The following SLC5A10 variants were observed in gnomAD, a reference collection of about 807,000 sequenced individuals.
The protein encoded by SLC5A10 is sodium/mannose cotransporter SLC5A10.
A neutral mutation model predicts 68.9 loss-of-function variants in SLC5A10; 55 were observed. The ratio of observed to expected loss-of-function variants is 0.80; its 90% CI spans 0.64 to 1.00. The LOEUF is 1.00. SLC5A10 is among the 50% of genes least tolerant of loss of function. The probability of loss-of-function intolerance (pLI) is 0.00; values close to 1 mark genes in which losing one functional copy is unlikely to be tolerated. For missense variants in SLC5A10, 732 were observed against 819.3 expected (o/e 0.89, Z 1.30); for synonymous variants, 344 against 344.8 (o/e 1.00, Z 0.02).
At chr17:18,991,140 T>C (rs1173081104) in intron 9 of SLC5A10, among the ~76,000 whole-genome samples, 2 of 152,222 alleles carry the variant, frequency 1.3e-5, no homozygotes, top group African/African-American at 2.4e-5. Flanking sequence ...CCACCTTGCC[T>C]AATTCTGTTG....
rs757247529 is a variant in SLC5A10, at chr17:18,952,319, A to G, written c.111+3A>G. The G allele has an allele frequency of 6.2e-7, 1 of 1,610,680 alleles. No homozygotes were observed. The highest frequency in any genetic ancestry group is 8.5e-7 in the Non-Finnish European group (1 of 1,178,336). The stretch of plus-strand genomic sequence containing the variant: ...TGAATGTGGCCGTGGGCATATGGGT[A>G]AGGGGACCTGTGGTGGTGTTGGCCA... On this transcript the variant is annotated splice_donor_region_variant and intron_variant, in intron 1 of 14. Coordinates refer to ENST00000395645, the MANE Select transcript of SLC5A10 (RefSeq NM_001042450.4).
chr17:18,966,694 G>A (rs1230485749), intron 5 of SLC5A10, among the ~76,000 whole-genome samples: 1 of 149,010 alleles, frequency 6.7e-6, no homozygotes, highest in Admixed American at 6.7e-5. Flanking sequence ...AAGTTGCAGT[G>A]AGCCGAGATC....
At chr17:18,969,449 G>C in intron 7 of SLC5A10, 27 bp downstream of exon 7, 2 of 1,604,272 alleles carry the variant, frequency 1.2e-6, no homozygotes, top group Non-Finnish European at 1.7e-6. Context: ...TGGCCATGGC[G>C]GGGCTGTCCC....
At position 18,971,834 on chromosome 17, in the gene SLC5A10, C is replaced by T. The variant is rs1056986861; in HGVS notation, c.846+616C>T. ...GGACCCTGCTCAGGCACACAGGAGCCGGCAGGCCCGGGTTCGCCTCCTGGC... is the reference window on the plus strand; with the variant it reads ...GGACCCTGCTCAGGCACACAGGAGCTGGCAGGCCCGGGTTCGCCTCCTGGC... On this transcript the variant is annotated intron_variant, in intron 8 of 14. Coordinates refer to ENST00000395645, the MANE Select transcript of SLC5A10 (RefSeq NM_001042450.4). The surrounding 1 kb of genome is among the most constrained non-coding windows in gnomAD (Gnocchi z 5.5). The T allele has an allele frequency of 3.7e-5, 53 of 1,446,930 alleles. No homozygotes were observed. In the East Asian group the frequency reaches 5.9e-4, roughly 16 times the overall value. The allele number at this position is 1,446,930 out of a possible 1,614,324, so 89.6% of individuals were successfully genotyped here.
chr17:18,959,621 G>A lies in SLC5A10; in HGVS notation c.306G>A (p.Leu102=), dbSNP rs1358953156. The stretch of plus-strand genomic sequence containing the variant: ...CCCCATAGGCCACGTACGTGCTGCT[G>A]GCACTGGCATGGGTGTTCGTGCCCA... ...GFEWNATYVL[L]ALAWVFVPIY... is the part of the protein sequence containing the mutation. The change falls in exon 4 of 15, where the codon CTG becomes CTA. Residue 102 remains leucine (L), a synonymous_variant. Coordinates refer to ENST00000395645, the MANE Select transcript of SLC5A10 (RefSeq NM_001042450.4). The A allele has an allele frequency of 3.1e-6, 5 of 1,613,856 alleles. No homozygotes were observed. The highest frequency in any genetic ancestry group is 2.5e-6 in the Non-Finnish European group (3 of 1,180,006).
At position 18,976,882 on chromosome 17, in the gene SLC5A10, G is replaced by A. The variant is rs755766055; in HGVS notation, c.875G>A (p.Arg292Gln). The A allele has an allele frequency of 5.6e-6, 9 of 1,613,444 alleles. No homozygotes were observed. The highest frequency in any genetic ancestry group is 2.2e-5 in the East Asian group (1 of 44,876). ...ATCGTGCAGCGATCACTGTCAGCCC[G>A]GGACCTGAACCATGCCAAGGCGGGC... ...QVIVQRSLSA[R>Q]DLNHAKAGSI... The change falls in exon 9 of 15, where the codon CGG (arginine) becomes CAG (glutamine). Residue 292 changes from arginine to glutamine, a missense_variant. Transcript: ENST00000395645.
At chr17:18,978,159 G>A (rs1597849192) in intron 9 of SLC5A10, 1 of 1,531,354 alleles carries the variant, frequency 6.5e-7, no homozygotes, top group Non-Finnish European at 8.8e-7. Context: ...TTGGGCACGG[G>A]GGGCAATGGC....
At chr17:19,006,131 T>C (rs917530382) in intron 9 of SLC5A10, among the ~76,000 whole-genome samples, 1 of 152,198 alleles carries the variant, frequency 6.6e-6, no homozygotes, top group Non-Finnish European at 1.5e-5. Flanking sequence ...TGCACCCAGT[T>C]TTCCCCAGTA....
upstream of SLC5A10, chr17:18,950,727 G>A (rs972668780): frequency 1.0e-6 from 1 of 983,480 alleles, no homozygotes; most frequent in African/African-American, 1.7e-5. Context: ...GTTGTTGTTT[G>A]TTTTGTGAGA....
At chr17:18,979,211 G>A (rs936186328) in intron 9 of SLC5A10, 16 of 465,636 alleles carry the variant, frequency 3.4e-5, no homozygotes, top group Middle Eastern at 5.9e-4. Flanking sequence ...CATGGGCAGC[G>A]CCCACCCCAT....
chr17:18,987,713 ATTCAC>A (rs1192961721), intron 9 of SLC5A10, among the ~76,000 whole-genome samples: 1 of 152,206 alleles, frequency 6.6e-6, no homozygotes, highest in Non-Finnish European at 1.5e-5. Flanking sequence ...TGTGCCTTAA[ATTCAC>A]TTCAACTGTG....
At chr17:19,014,927 C>T in intron 10 of SLC5A10, 122 bp from the exon 11 acceptor site, 2 of 1,208,000 alleles carry the variant, frequency 1.7e-6, no homozygotes, top group Non-Finnish European at 2.3e-6. Context: ...TCCCTCCCCG[C>T]CCTCTGCCTT....
At chr17:18,993,736 C>T (rs2043491790) in intron 9 of SLC5A10, among the ~76,000 whole-genome samples, 1 of 152,188 alleles carries the variant, frequency 6.6e-6, no homozygotes, top group African/African-American at 2.4e-5. Context: ...CGTTATTCTC[C>T]AGGTCTGATG....
chr17:18,971,557 G>C lies in SLC5A10; in HGVS notation c.846+339G>C. On this transcript the variant is annotated intron_variant, in intron 8 of 14. Coordinates refer to ENST00000395645, the MANE Select transcript of SLC5A10 (RefSeq NM_001042450.4). This position sits in a 1 kb window ranked among gnomAD's most constrained non-coding sequence, Gnocchi z 5.5. ...CATTTTGGGCCAGTCTTGGGCTGCC[G>C]GGATCCGGAAGCAGGCGGGGTACCT... The C allele has an allele frequency of 6.2e-7, 1 of 1,613,806 alleles. No homozygotes were observed. Among genetic ancestry groups the C allele is most frequent in the Non-Finnish European group, 8.5e-7 (1 of 1,180,024 alleles).
At position 18,952,282 on chromosome 17, in the gene SLC5A10, T is replaced by G. The variant is rs2042382072; in HGVS notation, c.77T>G (p.Val26Gly). Residue 26 changes from valine (V) to glycine (G), a missense_variant, in exon 1 of 15, where the codon GTG becomes GGG. Val to Gly is a moderately radical substitution (Grantham distance 109, BLOSUM62 -3). Transcript: ENST00000395645. ...GTGGCTGACATCATCGTCATCACTG[T>G]GTATTTTGCTCTGAATGTGGCCGTG... is the stretch of plus-strand genomic sequence containing the variant. ...LSVADIIVIT[V>G]YFALNVAVGI... is the part of the protein sequence containing the mutation. 2 of 1,613,688 alleles carry G rather than the reference T, an allele frequency of 1.2e-6. No individual in the cohort carries two copies. The highest frequency in any genetic ancestry group is 1.3e-5 in the African/African-American group (1 of 74,898).
intron 9 of SLC5A10, among the ~76,000 whole-genome samples, chr17:19,007,178 T>G (rs529805582): frequency 2.7e-5 from 4 of 148,096 alleles, no homozygotes; most frequent in Admixed American, 6.9e-5. Flanking sequence ...CTTGCCAACA[T>G]GTGGTGTTAC....
At chr17:19,006,337 C>A (rs2043889052) in intron 9 of SLC5A10, among the ~76,000 whole-genome samples, 1 of 151,960 alleles carries the variant, frequency 6.6e-6, no homozygotes, top group South Asian at 2.1e-4. Flanking sequence ...GCTCAAGCCT[C>A]AGCCTCCTGA....
intron 9 of SLC5A10, among the ~76,000 whole-genome samples, chr17:19,011,639 C>G (rs895681737): frequency 3.3e-5 from 5 of 150,906 alleles, no homozygotes; most frequent in Non-Finnish European, 5.9e-5. Context: ...GGGCCCCAGA[C>G]GGGAGGGGGA....
At chr17:18,984,338 A>AAG (rs1170887135) in intron 9 of SLC5A10, among the ~76,000 whole-genome samples, 1 of 150,324 alleles carries the variant, frequency 6.7e-6, no homozygotes, top group African/African-American at 2.4e-5. Flanking sequence ...CTCTCAAAAA[A>AAG]AAAAAAAAAA....
Sources: allele counts gnomAD v4.1 joint callset (sites outside exome capture counted in the v4.1 genomes callset), GRCh38; gene constraint gnomAD v4.1.1; non-coding constraint Gnocchi (gnomAD v3.1); transcripts MANE v1.5; gene names NCBI Gene and HGNC (gene_info 2026-07-23, HGNC 2026-07-21).